Variants in FAM25C observed in about 807,000 individuals in gnomAD.
The protein encoded by FAM25C is family with sequence similarity 25 member C, also known as protein FAM25C.
FAM25C carries 4 observed loss-of-function variants against 9.6 expected under a neutral mutation model. The observed-to-expected ratio is 0.42, with a 90% CI of 0.20 to 0.95. The LOEUF is 0.95. FAM25C is among the 40% of genes least tolerant of loss of function. The pLI, the probability that FAM25C is intolerant of heterozygous loss-of-function variation, is 0.31. For missense variants in FAM25C, 38 were observed against 110.4 expected (o/e 0.34, Z 2.94); for synonymous variants, 23 against 44.1 (o/e 0.52, Z 1.89).
chr10:47,997,131 C>T (rs1274783518), intron 2 of FAM25C, among the ~76,000 whole-genome samples: 2 of 134,800 alleles, frequency 1.5e-5, no homozygotes, highest in East Asian at 2.2e-4. Context: ...TTTTTTGAGA[C>T]CGAGTTTCGC....
In FAM25C at chr10:47,995,416, T is replaced by C. The variant is rs1555256338; in HGVS notation, c.232A>G (p.Thr78Ala). The stretch of plus-strand genomic sequence containing the variant: ...TTGTCCAGACTTTCTGCTGCATGGG[T>C]GATGGCATTTGTGACTGTGTTGGTC... ...TVTNTVTNAI[T>A]HAAESLDKLG... Residue 78 changes from threonine (T) to alanine (A), a missense_variant, in exon 3 of 3, where the codon ACC (threonine) becomes GCC (alanine). Thr to Ala is a moderately conservative substitution (Grantham distance 58). Coordinates refer to ENST00000617224, the MANE Select transcript of FAM25C (RefSeq NM_001137548.3). 3.9e-6 allele frequency: 6 copies of C among 1,520,904 alleles called. No homozygotes were observed. Among genetic ancestry groups the C allele is most frequent in the Non-Finnish European group, 4.4e-6 (5 of 1,135,314 alleles). 94.2% of individuals were successfully genotyped at this position (1,520,904 alleles called of 1,614,324 possible). A position where few individuals can be genotyped will look rare whatever the true frequency, so the allele number is the denominator to read the frequency against.
rs1359414465 is a variant in FAM25C at position 47,997,705 on chromosome 10, C to G, written c.108G>C (p.Val36=). 4.6e-6 allele frequency: 7 copies of G among 1,520,696 alleles called. No homozygotes were observed. Among genetic ancestry groups the G allele is most frequent in the Non-Finnish European group, 6.2e-6 (7 of 1,127,068 alleles). 94.2% of individuals were successfully genotyped at this position (1,520,696 alleles called of 1,614,324 possible). A position where few individuals can be genotyped will look rare whatever the true frequency, so the allele number is the denominator to read the frequency against. ...TCTCTCCAGTCTCCTTGGCATGTCC[C>G]ACCACCTCCTTCACCACTTCCTCCA... ...HAVEEVVKEV[V]GHAKETGEKA... The change falls in exon 2 of 3, where the codon GTG becomes GTC. Residue 36 remains valine (V), a synonymous_variant. Transcript: ENST00000617224.
At chr10:47,998,847 T>C (rs1842842420) in intron 1 of FAM25C, among the ~76,000 whole-genome samples, 2 of 130,454 alleles carry the variant, frequency 1.5e-5, no homozygotes, top group South Asian at 5.4e-4. Context: ...TCTGCTGCCA[T>C]TTAGAAAGAG....
At chr10:47,998,183 C>A (rs1377855169) in intron 1 of FAM25C, among the ~76,000 whole-genome samples, 1 of 151,290 alleles carries the variant, frequency 6.6e-6, no homozygotes, top group South Asian at 2.1e-4. Context: ...CAGGTCACAC[C>A]CCTCTCAGGA....
intron 1 of FAM25C, among the ~76,000 whole-genome samples, chr10:47,998,268 A>G (rs1168702584): frequency 6.7e-6 from 1 of 150,092 alleles, no homozygotes; most frequent in Non-Finnish European, 1.5e-5. Flanking sequence ...CAATTCCTCC[A>G]ACAAAACGGA....
intron 1 of FAM25C, among the ~76,000 whole-genome samples, chr10:47,998,287 C>T (rs1424318686): frequency 1.0e-4 from 15 of 149,356 alleles, no homozygotes; most frequent in African/African-American, 3.3e-4. Flanking sequence ...GAATTCTCTG[C>T]CTACTTCAGA....
At chr10:47,997,167 G>A (rs1477030009) in intron 2 of FAM25C, among the ~76,000 whole-genome samples, 3 of 146,566 alleles carry the variant, frequency 2.0e-5, no homozygotes, top group Admixed American at 6.9e-5. Flanking sequence ...GGAGTGCAGT[G>A]GCATGATCTA....
chr10:47,997,798 C>T, intron 1 of FAM25C, 59 bp from the exon 2 acceptor site: 1 of 1,530,048 alleles, frequency 6.5e-7, no homozygotes, highest in Non-Finnish European at 8.8e-7. Context: ...GCCCCTGAGT[C>T]CAGGGTGAGG....
intron 2 of FAM25C, among the ~76,000 whole-genome samples, chr10:47,995,962 T>C (rs1468122149): frequency 1.4e-5 from 2 of 146,470 alleles, no homozygotes; most frequent in African/African-American, 5.0e-5. Context: ...CTGATTTTTT[T>C]GTCATAGTTC....
intron 2 of FAM25C, among the ~76,000 whole-genome samples, chr10:47,996,820 A>AATTT (rs1842807306): frequency 1.3e-5 from 1 of 75,034 alleles, no homozygotes; most frequent in African/African-American, 6.6e-5. Context: ...TTACATGTTA[A>AATTT]TTTTTTTTTT....
intron 2 of FAM25C, among the ~76,000 whole-genome samples, chr10:47,996,089 AATG>A (rs1555256434): frequency 6.9e-6 from 1 of 145,894 alleles, no homozygotes; most frequent in African/African-American, 2.5e-5. Flanking sequence ...GTCTTAATGT[AATG>A]ATATTAAGGG....
At chr10:47,996,060 T>A (rs1453886161) in intron 2 of FAM25C, among the ~76,000 whole-genome samples, 1 of 148,548 alleles carries the variant, frequency 6.7e-6, no homozygotes, top group East Asian at 1.9e-4. Flanking sequence ...CCCTCAAAAC[T>A]CATATGCTGA....
chr10:47,997,031 C>T (rs535860344), intron 2 of FAM25C, among the ~76,000 whole-genome samples: 1 of 147,584 alleles, frequency 6.8e-6, no homozygotes, highest in African/African-American at 2.5e-5. Flanking sequence ...TGGGGTTTCA[C>T]CGTGGTCTGG....
In FAM25C at chr10:47,995,435, G is replaced by T. The variant is rs1415131849; in HGVS notation, c.213C>A (p.Asn71Lys). The change falls in exon 3 of 3, where the codon AAC becomes AAA. Residue 71 changes from asparagine (N) to lysine (K), a missense_variant. Transcript: ENST00000617224. ...CATGGGTGATGGCATTTGTGACTGT[G>T]TTGGTCACTGTCTCGGTGATTTCCT... ...KMKEITETVT[N>K]TVTNAITHAA... 2.6e-6 allele frequency: 4 copies of T among 1,524,456 alleles called. No individual in the cohort carries two copies. Among genetic ancestry groups the T allele is most frequent in the Non-Finnish European group, 3.5e-6 (4 of 1,138,276 alleles). The allele number at this position is 1,524,456 out of a possible 1,614,324, so 94.4% of individuals were successfully genotyped here.
chr10:47,998,400 T>C (rs1842834858), intron 1 of FAM25C, among the ~76,000 whole-genome samples: 1 of 141,176 alleles, frequency 7.1e-6, no homozygotes, highest in African/African-American at 2.7e-5. Context: ...GGTTCCCTCA[T>C]CTTTAGAATG....
At chr10:47,996,895 G>A (rs1178319442) in intron 2 of FAM25C, among the ~76,000 whole-genome samples, 4 of 125,224 alleles carry the variant, frequency 3.2e-5, no homozygotes, top group African/African-American at 6.3e-5. Flanking sequence ...GCAGTGGCGC[G>A]ATCTCGGCTC....
At chr10:47,995,880 GTTT>G (rs199693218) in intron 2 of FAM25C, among the ~76,000 whole-genome samples, 1 of 128,730 alleles carries the variant, frequency 7.8e-6, no homozygotes. Flanking sequence ...TGGTTATAGT[GTTT>G]TTTTTTTTTT....
chr10:47,995,801 G>A (rs1842792870), intron 2 of FAM25C, among the ~76,000 whole-genome samples: 1 of 149,172 alleles, frequency 6.7e-6, no homozygotes, highest in African/African-American at 2.5e-5. Context: ...TTTTTATATT[G>A]GGTTGTTATA....
chr10:47,995,600 A>G, intron 2 of FAM25C, 89 bp from the exon 3 acceptor site: 1 of 1,290,310 alleles, frequency 7.8e-7, no homozygotes, highest in East Asian at 2.5e-5. Flanking sequence ...GGCCATCTTA[A>G]TGGATTAGTC....
Sources: allele counts gnomAD v4.1 joint callset (sites outside exome capture counted in the v4.1 genomes callset), GRCh38; gene constraint gnomAD v4.1.1; transcripts MANE v1.5; gene names NCBI Gene and HGNC (gene_info 2026-07-23, HGNC 2026-07-21).